The following CYFIP2 variants were observed in gnomAD, a reference collection of about 807,000 sequenced individuals.
CYFIP2 encodes cytoplasmic FMR1-interacting protein 2.
A neutral mutation model predicts 158.7 loss-of-function variants in CYFIP2; 29 were observed. The observed-to-expected ratio is 0.18, with a 90% CI of 0.14 to 0.25. The LOEUF (loss-of-function observed/expected upper bound fraction) is 0.25, where lower values mean the gene tolerates loss of function less well. CYFIP2 is among the 10% of genes least tolerant of loss of function. The probability of loss-of-function intolerance (pLI) is 1.00; values close to 1 mark genes in which losing one functional copy is unlikely to be tolerated. For synonymous variants in CYFIP2, 585 were observed against 617.6 expected (o/e 0.95, Z 0.78); for missense variants, 852 against 1,639.5 (o/e 0.52, Z 8.29).
intron 21 of CYFIP2, among the ~76,000 whole-genome samples, chr5:157,334,885 C>CTA (rs951361859): frequency 1.3e-5 from 2 of 152,170 alleles, no homozygotes; most frequent in African/African-American, 4.8e-5. Flanking sequence ...TGTCATTCAG[C>CTA]TAATAGTGTT....
intron 21 of CYFIP2, among the ~76,000 whole-genome samples, chr5:157,335,259 G>GT (rs1193419471): frequency 6.6e-6 from 1 of 152,056 alleles, no homozygotes; most frequent in Non-Finnish European, 1.5e-5. Flanking sequence ...GATACTACCT[G>GT]TTTTTTTGTT....
Position 157,394,387 on chromosome 5 carries a change from T to C in CYFIP2, c.*1387T>C, listed in dbSNP as rs1334661579. On this transcript the variant is annotated 3_prime_UTR_variant, in exon 31 of 31. Coordinates refer to ENST00000620254, the MANE Select transcript of CYFIP2 (RefSeq NM_001037333.3). ...ATTTCTCCAGCCCAGGGAAGTAAGATGGTTAGCAATGGTTGCCTTAATCAA... is the reference window on the plus strand; with the variant it reads ...ATTTCTCCAGCCCAGGGAAGTAAGACGGTTAGCAATGGTTGCCTTAATCAA... The C allele has an allele frequency of 6.6e-6, 1 of 152,206 alleles. No homozygotes were observed. Among genetic ancestry groups the C allele is most frequent in the Non-Finnish European group, 1.5e-5 (1 of 68,046 alleles). 9.4% of individuals were successfully genotyped at this position (152,206 alleles called of 1,614,324 possible). A position where few individuals can be genotyped will look rare whatever the true frequency, so the allele number is the denominator to read the frequency against.
intron 5 of CYFIP2, among the ~76,000 whole-genome samples, chr5:157,298,031 G>A (rs1758394694): frequency 1.3e-5 from 2 of 152,358 alleles, no homozygotes; most frequent in Admixed American, 6.5e-5. Context: ...GGAAAGGACT[G>A]ACTGGCTGGT....
intron 1 of CYFIP2, among the ~76,000 whole-genome samples, chr5:157,276,728 G>A (rs1046490792): frequency 1.3e-5 from 2 of 152,166 alleles, no homozygotes; most frequent in African/African-American, 4.8e-5. Flanking sequence ...TCTAACTCAA[G>A]CTATCCAGTT....
rs921564733 is a variant in CYFIP2 at position 157,343,004 on chromosome 5, A to T, written c.2673+1847A>T. ...CTTGCGTGGCATTTCCACCAGGGGG[A>T]GCCCCTGCAGGTCTTCCTCCCTCTG... On this transcript the variant is annotated intron_variant, in intron 23 of 30. Transcript: ENST00000620254. The T allele has an allele frequency of 3.1e-6, 5 of 1,613,854 alleles. No individual in the cohort carries two copies. In the African/African-American group the frequency reaches 6.7e-5, roughly 22 times the overall value.
At chr5:157,308,820 A>C (rs181978621) in intron 9 of CYFIP2, among the ~76,000 whole-genome samples, 99 of 152,340 alleles carry the variant, frequency 6.5e-4, no homozygotes, top group Non-Finnish European at 1.1e-3. Context: ...CTAAGTCAGC[A>C]TGAATGAGAT....
Position 157,393,014 on chromosome 5 carries a change from C to CAG in CYFIP2, c.*16_*17dup. 6.2e-7 allele frequency: 1 copy of CAG among 1,613,016 alleles called. No individual in the cohort carries two copies. The highest frequency in any genetic ancestry group is 8.5e-7 in the Non-Finnish European group (1 of 1,179,398). ...ACCACTTGCTAAGCAGAAGATCCTG[C>CAG]AGACCCTTATCTGGAGGAGGAAGAG... On this transcript the variant is annotated 3_prime_UTR_variant, in exon 31 of 31. Transcript: ENST00000620254.
At chr5:157,351,017 T>C (rs1248770114) in intron 23 of CYFIP2, among the ~76,000 whole-genome samples, 1 of 152,206 alleles carries the variant, frequency 6.6e-6, no homozygotes, top group Non-Finnish European at 1.5e-5. Flanking sequence ...TGATTTCCAC[T>C]TTACTCACTT....
intron 30 of CYFIP2, among the ~76,000 whole-genome samples, chr5:157,392,406 G>A (rs1767395385): frequency 2.6e-5 from 4 of 152,102 alleles, no homozygotes; most frequent in Admixed American, 2.0e-4. Context: ...TTTGTATATG[G>A]TATAAGGTAA....
chr5:157,390,137 C>A (rs554413208), intron 29 of CYFIP2, among the ~76,000 whole-genome samples: 1 of 152,310 alleles, frequency 6.6e-6, no homozygotes, highest in African/African-American at 2.4e-5. Flanking sequence ...TGGCCCCTCA[C>A]CTGCTAGGTG....
chr5:157,379,224 T>A (rs1765792860), intron 26 of CYFIP2, among the ~76,000 whole-genome samples: 1 of 152,224 alleles, frequency 6.6e-6, no homozygotes, highest in Non-Finnish European at 1.5e-5. Flanking sequence ...CTGCTTCTGT[T>A]GTTTTCTCTT....
intron 3 of CYFIP2, among the ~76,000 whole-genome samples, chr5:157,289,193 C>G (rs185726269): frequency 6.6e-6 from 1 of 152,248 alleles, no homozygotes; most frequent in East Asian, 1.9e-4. Flanking sequence ...TCTCCTGTTC[C>G]GTGCTGTCTC....
In CYFIP2 at chr5:157,378,750, G is replaced by A. The variant is rs569127068; in HGVS notation, c.3040-3840G>A. On this transcript the variant is annotated intron_variant, in intron 26 of 30. Coordinates refer to ENST00000620254, the MANE Select transcript of CYFIP2 (RefSeq NM_001037333.3). ...AGGGCTGTCCAGAAGCATAAAGCAG[G>A]CGACTGACAGAAAGCAAATAGCTCA... 3.3e-4 allele frequency among the ~76,000 whole-genome samples: 51 copies of A among 152,264 alleles called. No homozygotes were observed. The South Asian group carries it at 0.01, about 31-fold the overall frequency.
chr5:157,295,257 T>G (rs1758160341), intron 4 of CYFIP2, among the ~76,000 whole-genome samples: 1 of 152,256 alleles, frequency 6.6e-6, no homozygotes, highest in African/African-American at 2.4e-5. Flanking sequence ...CTGGCATGAA[T>G]ATTATTTTGT....
intron 11 of CYFIP2, among the ~76,000 whole-genome samples, chr5:157,313,862 T>G (rs1759929011): frequency 6.6e-6 from 1 of 152,218 alleles, no homozygotes; most frequent in Non-Finnish European, 1.5e-5. Context: ...TGTTTGTGAT[T>G]AGCATTTTTA....
chr5:157,299,158 T>C (rs547647560), intron 5 of CYFIP2, among the ~76,000 whole-genome samples: 1 of 47,922 alleles, frequency 2.1e-5, no homozygotes, highest in South Asian at 8.1e-4. Flanking sequence ...CTCTCACGTC[T>C]ATCTTTGCAC....
intron 5 of CYFIP2, 32 bp downstream of exon 5, chr5:157,296,806 G>A (rs1453019182): frequency 6.4e-7 from 1 of 1,556,964 alleles, no homozygotes; most frequent in Middle Eastern, 1.7e-4. Flanking sequence ...TGCATCTGGA[G>A]AACTGAAAAG....
chr5:157,273,417 G>C (rs541334616), intron 1 of CYFIP2, among the ~76,000 whole-genome samples: 1 of 152,258 alleles, frequency 6.6e-6, no homozygotes, highest in East Asian at 1.9e-4. Context: ...TTACTCCTCA[G>C]TTAATATTAT....
At chr5:157,286,560 A>ATATATATTTTTGTATATATTTATG (rs1456157693) in intron 2 of CYFIP2, among the ~76,000 whole-genome samples, 1 of 147,348 alleles carries the variant, frequency 6.8e-6, no homozygotes, top group African/African-American at 2.5e-5. Context: ...ATGTATATAT[A>ATATATATTTTTGTATATATTTATG]TATATATATA....
Sources: allele counts gnomAD v4.1 joint callset (sites outside exome capture counted in the v4.1 genomes callset), GRCh38; gene constraint gnomAD v4.1.1; transcripts MANE v1.5; gene names NCBI Gene and HGNC (gene_info 2026-07-23, HGNC 2026-07-21).